Variants in CCDC192 observed in about 807,000 individuals in gnomAD.
CCDC192 encodes coiled-coil domain-containing protein 192.
chr5:127,786,090 T>A, intron 3 of CCDC192: 1 of 822,576 alleles, frequency 1.2e-6, no homozygotes, highest in Non-Finnish European at 2.1e-6. Flanking sequence ...TATACATGTG[T>A]CCCAAATCTT....
intron 3 of CCDC192, among the ~76,000 whole-genome samples, chr5:127,760,876 G>A (rs372681688): frequency 6.6e-6 from 1 of 152,038 alleles, no homozygotes; most frequent in Non-Finnish European, 1.5e-5. Flanking sequence ...TGTTGGAGTC[G>A]TATGATGAGA....
At chr5:127,870,946 A>G (rs1018990962) in intron 5 of CCDC192, among the ~76,000 whole-genome samples, 1 of 152,254 alleles carries the variant, frequency 6.6e-6, no homozygotes, top group African/African-American at 2.4e-5. Context: ...TATGTCTTCA[A>G]TAGCGAGCAT....
chr5:127,828,319 G>C (rs1378013378), intron 5 of CCDC192, among the ~76,000 whole-genome samples: 7 of 152,182 alleles, frequency 4.6e-5, no homozygotes, highest in African/African-American at 1.7e-4. Flanking sequence ...CTCGAGAAAA[G>C]GTTAAGCTTC....
chr5:127,835,077 T>G lies in CCDC192; in HGVS notation c.411+36915T>G, dbSNP rs1422519756. 2.6e-5 allele frequency among the ~76,000 whole-genome samples: 4 copies of G among 152,222 alleles called. No individual in the cohort carries two copies. In the South Asian group the frequency reaches 8.3e-4, roughly 31 times the overall value. ...AGAAATAAAAGTAATGATCATGTCT[T>G]TAAATCCTATTTAAGCTAAAAGGCA... On this transcript the variant is annotated intron_variant, in intron 5 of 6. Coordinates refer to ENST00000514853, the MANE Select transcript of CCDC192 (RefSeq NM_001317938.2).
intron 2 of CCDC192, among the ~76,000 whole-genome samples, chr5:127,710,526 CTG>C (rs1386578495): frequency 2.0e-5 from 3 of 152,054 alleles, no homozygotes; most frequent in Admixed American, 6.5e-5. Context: ...TGTTGGTAAA[CTG>C]TGCATTCCTA....
chr5:127,782,181 G>A (rs1756266140), intron 3 of CCDC192, among the ~76,000 whole-genome samples: 1 of 152,118 alleles, frequency 6.6e-6, no homozygotes, highest in Non-Finnish European at 1.5e-5. Flanking sequence ...TGATCATGGT[G>A]GATTATCTTT....
chr5:127,783,707 C>A (rs1185536670), intron 3 of CCDC192, among the ~76,000 whole-genome samples: 3 of 152,064 alleles, frequency 2.0e-5, no homozygotes, highest in African/African-American at 7.2e-5. Flanking sequence ...GTCTTGATGA[C>A]CTGTCTAGTG....
At chr5:127,837,566 G>GTTC (rs1750079239) in intron 5 of CCDC192, among the ~76,000 whole-genome samples, 2 of 18,108 alleles carry the variant, frequency 1.1e-4, no homozygotes, top group Non-Finnish European at 1.6e-4. Context: ...GGGACAAAAA[G>GTTC]CCTAACCATA....
chr5:127,875,819 A>T (rs1379375661), intron 6 of CCDC192, among the ~76,000 whole-genome samples, 158 bp downstream of exon 6: 1 of 152,104 alleles, frequency 6.6e-6, no homozygotes, highest in Admixed American at 6.5e-5. Flanking sequence ...TCCAGGCTGG[A>T]TTCACTTTCA....
intron 3 of CCDC192, chr5:127,785,297 C>T (rs1756476721): frequency 2.1e-6 from 1 of 481,946 alleles, no homozygotes; most frequent in South Asian, 1.6e-5. Context: ...TACAAGACTG[C>T]TTAAAGGGCC....
chr5:127,802,588 G>A (rs1399557209), intron 5 of CCDC192, among the ~76,000 whole-genome samples: 1 of 152,088 alleles, frequency 6.6e-6, no homozygotes, highest in Admixed American at 6.5e-5. Flanking sequence ...CTCCCTATCA[G>A]TCCAGAAGTA....
At chr5:127,734,512 A>C (rs1370600568) in intron 2 of CCDC192, among the ~76,000 whole-genome samples, 1 of 147,700 alleles carries the variant, frequency 6.8e-6, no homozygotes, top group Non-Finnish European at 1.5e-5. Context: ...ACTGACTTCC[A>C]CAATGGTTGA....
chr5:127,898,466 A>G (rs1752954171), intron 6 of CCDC192, among the ~76,000 whole-genome samples: 1 of 152,120 alleles, frequency 6.6e-6, no homozygotes, highest in African/African-American at 2.4e-5. Flanking sequence ...AGAGTTTCCT[A>G]TATAATAGAA....
chr5:127,750,832 C>T (rs1359747325), intron 2 of CCDC192, among the ~76,000 whole-genome samples: 1 of 151,720 alleles, frequency 6.6e-6, no homozygotes, highest in Admixed American at 6.6e-5. Context: ...GGGTAGTTAG[C>T]TCTTCTTGTT....
chr5:127,796,287 A>G (rs1020304816), intron 3 of CCDC192, among the ~76,000 whole-genome samples: 1 of 152,248 alleles, frequency 6.6e-6, no homozygotes, highest in Non-Finnish European at 1.5e-5. Flanking sequence ...TTGCCTTGCA[A>G]TAACATTCAG....
chr5:127,754,149 A>G (rs1227594055), intron 2 of CCDC192, 119 bp from the exon 3 acceptor site: 2 of 391,966 alleles, frequency 5.1e-6, no homozygotes, highest in African/African-American at 4.1e-5. Context: ...GATTTGTGTG[A>G]GTTTATCAAG....
chr5:127,732,256 T>C (rs1387445393), intron 2 of CCDC192, among the ~76,000 whole-genome samples: 3 of 152,166 alleles, frequency 2.0e-5, no homozygotes, highest in Non-Finnish European at 4.4e-5. Flanking sequence ...TCAGCATCAC[T>C]GATCATTAGA....
chr5:127,918,048 T>A (rs1753577719), intron 6 of CCDC192, among the ~76,000 whole-genome samples: 2 of 151,848 alleles, frequency 1.3e-5, no homozygotes, highest in Non-Finnish European at 2.9e-5. Flanking sequence ...GGTGGGAGGA[T>A]CACGTGAGTC....
chr5:127,879,204 A>T (rs1032905637), intron 6 of CCDC192, among the ~76,000 whole-genome samples: 3 of 152,034 alleles, frequency 2.0e-5, no homozygotes, highest in African/African-American at 7.2e-5. Context: ...AGGCTACAGT[A>T]ACCAAAACAG....
Sources: gnomAD v4.1 joint callset for allele counts (sites outside exome capture counted in the v4.1 genomes callset) on GRCh38, gnomAD v4.1.1 for gene constraint, MANE v1.5 for transcripts, NCBI Gene and HGNC (gene_info 2026-07-23, HGNC 2026-07-21) for gene names.